Variants in PLPP4 observed in about 807,000 individuals in gnomAD.
PLPP4 encodes diacylglycerol pyrophosphate like 2.
PLPP4 carries 20 observed loss-of-function variants against 32.2 expected under a neutral mutation model. The observed-to-expected ratio is 0.62, with a 90% CI of 0.44 to 0.90. The LOEUF (loss-of-function observed/expected upper bound fraction) is 0.90, where lower values mean the gene tolerates loss of function less well. Ranked by LOEUF, PLPP4 falls within the 40% of genes least tolerant of loss-of-function variation. The pLI is 0.00. For missense variants in PLPP4, 257 were observed against 353.1 expected, an observed-to-expected ratio of 0.73 and a Z score of 2.18; for synonymous variants, 127 against 133.0, an observed-to-expected ratio of 0.95 and a Z score of 0.31.
chr10:120,518,334 C>A (rs1455065674), intron 3 of PLPP4, among the ~76,000 whole-genome samples: 1 of 152,146 alleles, frequency 6.6e-6, no homozygotes, highest in Non-Finnish European at 1.5e-5. Context: ...TGTTTGATAA[C>A]AAATGGACAG....
chr10:120,486,216 C>T (rs1844439944), intron 1 of PLPP4, among the ~76,000 whole-genome samples: 1 of 151,744 alleles, frequency 6.6e-6, no homozygotes, highest in Non-Finnish European at 1.5e-5. Context: ...TTCGGGCAGC[C>T]CCGTCAACCT....
intron 5 of PLPP4, among the ~76,000 whole-genome samples, chr10:120,549,931 T>C (rs1030230062): frequency 6.6e-6 from 1 of 151,936 alleles, no homozygotes; most frequent in East Asian, 1.9e-4. Flanking sequence ...GCAGACATCA[T>C]AAAGAGATGT....
intron 5 of PLPP4, among the ~76,000 whole-genome samples, chr10:120,574,168 A>ACACACACTCT (rs1849090021): frequency 1.3e-4 from 6 of 47,120 alleles, no homozygotes; most frequent in African/African-American, 1.7e-4. Context: ...ACACACACAC[A>ACACACACTCT]CTCTCTCTCT....
At chr10:120,503,431 A>C in intron 1 of PLPP4, 4 of 921,092 alleles carry the variant, frequency 4.3e-6, no homozygotes, top group Non-Finnish European at 6.7e-6. Flanking sequence ...TGTGCCAGTT[A>C]CTCCCTCCCT....
intron 5 of PLPP4, among the ~76,000 whole-genome samples, chr10:120,535,208 A>G (rs1410800764): frequency 6.6e-6 from 1 of 152,152 alleles, no homozygotes; most frequent in Non-Finnish European, 1.5e-5. Flanking sequence ...AGCATTTTCT[A>G]CATTCCTTTG....
chr10:120,502,539 G>C (rs1845303787), intron 1 of PLPP4, among the ~76,000 whole-genome samples: 1 of 152,142 alleles, frequency 6.6e-6, no homozygotes, highest in African/African-American at 2.4e-5. Flanking sequence ...GCCCAGCAGT[G>C]CTACTGGGCT....
intron 1 of PLPP4, among the ~76,000 whole-genome samples, chr10:120,479,156 G>C (rs1274426412): frequency 6.6e-6 from 1 of 152,152 alleles, no homozygotes; most frequent in Non-Finnish European, 1.5e-5. Flanking sequence ...AACCCGGGAG[G>C]TAGAGCTTGC....
At chr10:120,462,546 C>G (rs894213622) in intron 1 of PLPP4, among the ~76,000 whole-genome samples, 1 of 152,174 alleles carries the variant, frequency 6.6e-6, no homozygotes, top group African/African-American at 2.4e-5. Context: ...TTTGCTTTCC[C>G]CTGCTCCCAG....
intron 6 of PLPP4, among the ~76,000 whole-genome samples, chr10:120,583,009 G>C (rs151034551): frequency 3.5e-3 from 534 of 152,008 alleles, no homozygotes; most frequent in Non-Finnish European, 6.2e-3. Context: ...TTCACAAGTA[G>C]CAGAATCACT....
intron 1 of PLPP4, among the ~76,000 whole-genome samples, chr10:120,469,420 G>T (rs1049335211): frequency 1.3e-4 from 20 of 152,128 alleles, no homozygotes; most frequent in African/African-American, 4.8e-5. Flanking sequence ...GTAGAGACAG[G>T]GTTTCACCGT....
At position 120,590,830 on chromosome 10, in the gene PLPP4, C is replaced by A. The variant is rs536613347; in HGVS notation, c.*1328C>A. On this transcript the variant is annotated 3_prime_UTR_variant, in exon 7 of 7. Coordinates refer to ENST00000398250, the MANE Select transcript of PLPP4 (RefSeq NM_001030059.3). ...TCGAGACTGCACTGGAGTGCAGTGG[C>A]GTGATCTTGGCTCACTGCAACCTTT... Among the ~76,000 whole-genome samples, 1 of 144,052 alleles carries A rather than the reference C, an allele frequency of 6.9e-6. No individual in the cohort carries two copies. Among genetic ancestry groups the A allele is most frequent in the Non-Finnish European group, 1.5e-5 (1 of 67,200 alleles). The allele number at this position is 144,052 out of a possible 152,430, so 94.5% of individuals were successfully genotyped here.
At chr10:120,533,606 A>G (rs1564821969) in intron 5 of PLPP4, among the ~76,000 whole-genome samples, 1 of 151,954 alleles carries the variant, frequency 6.6e-6, no homozygotes, top group Non-Finnish European at 1.5e-5. Context: ...CCAAGGTCAC[A>G]TTTTTCCTAT....
At chr10:120,462,872 G>C (rs1290014305) in intron 1 of PLPP4, among the ~76,000 whole-genome samples, 1 of 152,100 alleles carries the variant, frequency 6.6e-6, no homozygotes, top group Admixed American at 6.5e-5. Flanking sequence ...GTAGAACCCT[G>C]TCACTAGAGT....
At chr10:120,481,686 A>G (rs1844213707) in intron 1 of PLPP4, among the ~76,000 whole-genome samples, 1 of 152,136 alleles carries the variant, frequency 6.6e-6, no homozygotes. Flanking sequence ...TCAAAGTTTT[A>G]TGGCCAGTAA....
intron 5 of PLPP4, among the ~76,000 whole-genome samples, chr10:120,551,711 T>C (rs1315884029): frequency 1.3e-5 from 2 of 152,200 alleles, no homozygotes; most frequent in African/African-American, 2.4e-5. Flanking sequence ...GGGAACTGGC[T>C]GGCAAGAGCT....
At chr10:120,586,316 G>A (rs1479920199) in intron 6 of PLPP4, among the ~76,000 whole-genome samples, 2 of 83,350 alleles carry the variant, frequency 2.4e-5, no homozygotes, top group South Asian at 3.2e-4. Context: ...TTTTTTTTTT[G>A]TAGTTTTAGT....
At chr10:120,503,976 C>T in intron 2 of PLPP4, 50 bp downstream of exon 2, 1 of 1,276,412 alleles carries the variant, frequency 7.8e-7, no homozygotes. Context: ...CAAAGATGAA[C>T]CAAATGGGTT....
intron 5 of PLPP4, among the ~76,000 whole-genome samples, chr10:120,554,066 T>G (rs1412809310): frequency 1.3e-5 from 2 of 152,234 alleles, no homozygotes; most frequent in African/African-American, 4.8e-5. Flanking sequence ...CTTTCTAAAT[T>G]TTTATGTTCT....
chr10:120,581,038 C>A (rs1849484748), intron 6 of PLPP4: 1 of 1,288,478 alleles, frequency 7.8e-7, no homozygotes, highest in African/African-American at 1.5e-5. Context: ...GCGTAAGAAG[C>A]CTCAGCCCCT....
Sources: gnomAD v4.1 joint callset for allele counts (sites outside exome capture counted in the v4.1 genomes callset) on GRCh38, gnomAD v4.1.1 for gene constraint, MANE v1.5 for transcripts, NCBI Gene and HGNC (gene_info 2026-07-23, HGNC 2026-07-21) for gene names.